PPP1R13B: variants seen among roughly 807,000 people sequenced by gnomAD.
The protein encoded by PPP1R13B is protein phosphatase 1 regulatory subunit 13B, also known as apoptosis-stimulating of p53 protein 1.
In PPP1R13B, 44 loss-of-function variants were observed where a neutral mutation model predicts 119.8. The ratio of observed to expected loss-of-function variants is 0.37; its 90% CI spans 0.29 to 0.47. The LOEUF is 0.47. PPP1R13B is among the 20% of genes least tolerant of loss of function. PPP1R13B has a pLI of 0.99. For synonymous variants in PPP1R13B, 542 were observed against 561.5 expected (o/e 0.97, Z 0.49); for missense variants, 1,227 against 1,413.5 (o/e 0.87, Z 2.12).
At chr14:103,791,265 G>A (rs1217526475) in intron 2 of PPP1R13B, among the ~76,000 whole-genome samples, 1 of 151,976 alleles carries the variant, frequency 6.6e-6, no homozygotes, top group African/African-American at 2.4e-5. Context: ...GACTACAGGC[G>A]CAAACAATCA....
chr14:103,799,225 C>T (rs186324398), intron 1 of PPP1R13B, among the ~76,000 whole-genome samples: 18 of 152,170 alleles, frequency 1.2e-4, no homozygotes, highest in African/African-American at 3.9e-4. Flanking sequence ...GTCACGCAGG[C>T]TGGAGTGCAG....
intron 1 of PPP1R13B, among the ~76,000 whole-genome samples, chr14:103,834,100 C>T (rs547485076): frequency 3.3e-5 from 5 of 152,278 alleles, no homozygotes; most frequent in South Asian, 2.1e-4. Context: ...ACTGGCTGGG[C>T]GTGGTGGCTC....
At chr14:103,773,616 G>C (rs2085119406) in intron 4 of PPP1R13B, among the ~76,000 whole-genome samples, 1 of 152,166 alleles carries the variant, frequency 6.6e-6, no homozygotes, top group African/African-American at 2.4e-5. Flanking sequence ...AACTGACCTA[G>C]TACATCTGAG....
At position 103,759,883 on chromosome 14, in the gene PPP1R13B, CT is replaced by C. The variant is rs578152660; in HGVS notation, c.355-2133del. Among the ~76,000 whole-genome samples the C allele has an allele frequency of 3.3e-5, 5 of 152,278 alleles. No homozygotes were observed. The South Asian group carries it at 1.0e-3, about 32-fold the overall frequency. On this transcript the variant is annotated intron_variant, in intron 4 of 16. Transcript: ENST00000202556. ...TTATTTGCCAATACATACATTTATA[CT>C]CTTTATGTTGCGTGTGTTTTTCTAA...
At chr14:103,844,711 G>A (rs968184587) in intron 1 of PPP1R13B, among the ~76,000 whole-genome samples, 4 of 152,076 alleles carry the variant, frequency 2.6e-5, no homozygotes, top group Non-Finnish European at 5.9e-5. Flanking sequence ...GGGCAACAGA[G>A]TGAGACTCTG....
At chr14:103,745,143 G>A (rs371950831) in intron 9 of PPP1R13B, among the ~76,000 whole-genome samples, 30 of 152,354 alleles carry the variant, frequency 2.0e-4, no homozygotes, top group East Asian at 1.5e-3. Context: ...TTATGTGGCT[G>A]CTGAGACACG....
chr14:103,797,097 CAA>C (rs34404212), intron 2 of PPP1R13B, among the ~76,000 whole-genome samples: 32 of 109,428 alleles, frequency 2.9e-4, no homozygotes, highest in African/African-American at 5.1e-4. Flanking sequence ...GATACTGTCT[CAA>C]AAAAAAAAAA....
chr14:103,743,048 C>T, intron 9 of PPP1R13B: 2 of 555,532 alleles, frequency 3.6e-6, no homozygotes, highest in Non-Finnish European at 6.4e-6. Context: ...CAGCTCACTG[C>T]CAACGCCCAA....
intron 2 of PPP1R13B, among the ~76,000 whole-genome samples, chr14:103,786,548 C>T (rs61995808): frequency 0.063 from 9,567 of 151,728 alleles, 384 homozygotes; most frequent in Admixed American, 0.16. Flanking sequence ...GCAGATCACC[C>T]GAGGTCAGGA....
intron 1 of PPP1R13B, among the ~76,000 whole-genome samples, chr14:103,815,879 C>G (rs1052299629): frequency 6.6e-6 from 1 of 151,870 alleles, no homozygotes; most frequent in African/African-American, 2.4e-5. Flanking sequence ...GTCAGGAGAT[C>G]GAGACCATCC....
intron 2 of PPP1R13B, among the ~76,000 whole-genome samples, chr14:103,792,782 A>T (rs958159643): frequency 6.6e-6 from 1 of 151,982 alleles, no homozygotes; most frequent in African/African-American, 2.4e-5. Context: ...CAAAAAAAAG[A>T]AAAAGAGGCT....
chr14:103,804,089 A>G (rs763015317), intron 1 of PPP1R13B: 21 of 926,616 alleles, frequency 2.3e-5, no homozygotes, highest in Non-Finnish European at 2.7e-5. Context: ...AACTTGCTCC[A>G]TTTTTTTTTT....
chr14:103,774,233 A>G (rs925815329), intron 4 of PPP1R13B, among the ~76,000 whole-genome samples: 7 of 152,298 alleles, frequency 4.6e-5, no homozygotes, highest in African/African-American at 1.7e-4. Flanking sequence ...GGTCTTGGCA[A>G]CTTACTGGAT....
intron 1 of PPP1R13B, among the ~76,000 whole-genome samples, chr14:103,842,323 G>A (rs1325806932): frequency 9.0e-6 from 1 of 111,672 alleles, no homozygotes; most frequent in African/African-American, 3.7e-5. Flanking sequence ...TTTTTTTTGA[G>A]ATGGAGTCTT....
chr14:103,753,442 T>C (rs1316024148), intron 6 of PPP1R13B, among the ~76,000 whole-genome samples: 2 of 152,328 alleles, frequency 1.3e-5, no homozygotes, highest in African/African-American at 4.8e-5. Context: ...ATAAGCTAGT[T>C]TGTTCAAGTG....
Position 103,784,788 on chromosome 14 carries a change from T to TA in PPP1R13B, c.277+6dup. 1 of 1,577,130 alleles carries TA rather than the reference T, an allele frequency of 6.3e-7. No homozygotes were observed. Among genetic ancestry groups the TA allele is most frequent in the Non-Finnish European group, 8.7e-7 (1 of 1,154,454 alleles). ...ATTAACAAATGAGGAAGAAAGCAGT[T>TA]ATCTACCTTGTTCACTGTTCTCAGT... On this transcript the variant is annotated splice_region_variant and intron_variant, in intron 3 of 16. Coordinates refer to ENST00000202556, the MANE Select transcript of PPP1R13B (RefSeq NM_015316.3).
At chr14:103,815,274 G>A (rs1463296372) in intron 1 of PPP1R13B, among the ~76,000 whole-genome samples, 1 of 152,196 alleles carries the variant, frequency 6.6e-6, no homozygotes, top group Non-Finnish European at 1.5e-5. Flanking sequence ...GGTAGGAGCT[G>A]GGAGGAAGGA....
intron 1 of PPP1R13B, chr14:103,846,709 C>A (rs2087046072): frequency 2.2e-6 from 1 of 455,990 alleles, no homozygotes; most frequent in East Asian, 6.9e-5. Flanking sequence ...AAAGACACCA[C>A]CACTACAAAC....
rs543559302 is a variant in PPP1R13B at position 103,780,820 on chromosome 14, A to C, written c.278-1999T>G. ...TGAGACTCTGTCTCTAAAAAAAAAAAAAAGAAAGGAAAAGAAAAAAAGAAT... is the reference window on the plus strand; with the variant it reads ...TGAGACTCTGTCTCTAAAAAAAAAACAAAGAAAGGAAAAGAAAAAAAGAAT... On this transcript the variant is annotated intron_variant, in intron 3 of 16. Transcript: ENST00000202556. Among the ~76,000 whole-genome samples the C allele has an allele frequency of 2.0e-5, 3 of 152,114 alleles. No homozygotes were observed. The South Asian group carries it at 6.2e-4, about 32-fold the overall frequency.
Sources: gnomAD v4.1 joint callset for allele counts (sites outside exome capture counted in the v4.1 genomes callset) on GRCh38, gnomAD v4.1.1 for gene constraint, MANE v1.5 for transcripts, NCBI Gene and HGNC (gene_info 2026-07-23, HGNC 2026-07-21) for gene names.